The following DOCK8 variants were observed in gnomAD, a reference collection of about 807,000 sequenced individuals.
DOCK8 encodes dedicator of cytokinesis protein 8.
DOCK8 carries 141 observed loss-of-function variants against 245.6 expected under a neutral mutation model. That is an observed-to-expected ratio of 0.57 (90% CI 0.50 to 0.66). The LOEUF (loss-of-function observed/expected upper bound fraction) is 0.66. Among genes scored for constraint, DOCK8 ranks in the 30% least tolerant of loss-of-function variants. DOCK8 has a pLI of 0.00. For synonymous variants in DOCK8, 1,168 were observed against 970.2 expected (o/e 1.20, Z -3.79); for missense variants, 2,965 against 2,603.4 (o/e 1.14, Z -3.02).
rs542914202 is a variant in DOCK8 at position 220,720 on chromosome 9, T to TC, written c.53+5691_53+5692insC. The stretch of plus-strand genomic sequence containing the variant: ...CAAGCAGTAGTCTAATTTCTTTCTT[T>TC]TTTTTTTTTTTTCTTTTTTTGAGAC... On this transcript the variant is annotated intron_variant, in intron 1 of 47. Transcript: ENST00000432829. The TC allele has an allele frequency of 3.2e-3, 1,293 of 405,312 alleles. 3 individuals carry two copies. The highest frequency in any genetic ancestry group is 4.6e-3 in the Non-Finnish European group (954 of 207,260). The allele number at this position is 405,312 out of a possible 1,614,324, so 25.1% of individuals were successfully genotyped here. A position where few individuals can be genotyped will look rare whatever the true frequency, so the allele number is the denominator to read the frequency against.
intron 20 of DOCK8, among the ~76,000 whole-genome samples, chr9:378,430 G>C (rs1157283750): frequency 6.6e-6 from 1 of 152,230 alleles, no homozygotes; most frequent in Non-Finnish European, 1.5e-5. Context: ...ACGGCTTTTA[G>C]AGCCAGGGAG....
At chr9:245,378 T>C (rs1230231175) in intron 1 of DOCK8, among the ~76,000 whole-genome samples, 2 of 151,932 alleles carry the variant, frequency 1.3e-5, no homozygotes, top group Non-Finnish European at 2.9e-5. Flanking sequence ...CTGATTTTTT[T>C]GTATTTTTTT....
chr9:236,874 T>C (rs2047263200), intron 1 of DOCK8, among the ~76,000 whole-genome samples: 1 of 152,198 alleles, frequency 6.6e-6, no homozygotes, highest in Non-Finnish European at 1.5e-5. Context: ...GAAGAGAGAA[T>C]GAAAGATTGT....
chr9:311,376 C>G (rs1035738180), intron 5 of DOCK8, among the ~76,000 whole-genome samples: 1 of 149,720 alleles, frequency 6.7e-6, no homozygotes, highest in Admixed American at 6.7e-5. Flanking sequence ...TCCCAAGTAG[C>G]TAAGACTGTA....
At chr9:448,434 C>A (rs898010790) in intron 44 of DOCK8, among the ~76,000 whole-genome samples, 1 of 152,150 alleles carries the variant, frequency 6.6e-6, no homozygotes, top group Non-Finnish European at 1.5e-5. Flanking sequence ...TCCTTCGTTC[C>A]CCAACAACCT....
At chr9:240,102 T>C (rs2131408581) in intron 1 of DOCK8, among the ~76,000 whole-genome samples, 1 of 152,330 alleles carries the variant, frequency 6.6e-6, no homozygotes, top group East Asian at 1.9e-4. Context: ...CTTGTTTTCC[T>C]TTGCAAGGTT....
At chr9:447,080 C>T (rs1008102493) in intron 44 of DOCK8, among the ~76,000 whole-genome samples, 3 of 152,160 alleles carry the variant, frequency 2.0e-5, no homozygotes, top group Non-Finnish European at 2.9e-5. Flanking sequence ...GACAAGTTCA[C>T]TGACTAGCTT....
intron 6 of DOCK8, among the ~76,000 whole-genome samples, chr9:316,011 A>G (rs2050329995): frequency 6.6e-6 from 1 of 152,202 alleles, no homozygotes; most frequent in South Asian, 2.1e-4. Context: ...ACCCAGCAAC[A>G]TGGCCAACCG....
intron 1 of DOCK8, among the ~76,000 whole-genome samples, chr9:229,539 G>C (rs1296468289): frequency 6.6e-6 from 1 of 152,294 alleles, no homozygotes; most frequent in South Asian, 2.1e-4. Context: ...ATCAGAGAGA[G>C]AAGGTGCCTG....
chr9:293,131 A>G (rs2049114130), intron 4 of DOCK8, among the ~76,000 whole-genome samples: 1 of 152,232 alleles, frequency 6.6e-6, no homozygotes. Flanking sequence ...CCTAGTGGAC[A>G]GGGAGAAGTG....
intron 6 of DOCK8, among the ~76,000 whole-genome samples, chr9:316,141 C>A (rs535734128): frequency 6.6e-6 from 1 of 152,268 alleles, no homozygotes; most frequent in Admixed American, 6.5e-5. Context: ...CTGCTATTTG[C>A]AAGAATGTTA....
At position 215,031 on chromosome 9, in the gene DOCK8, T is replaced by C; in HGVS notation, c.53+2T>C. ...CGCGTTCGCGCTCAAGATCAACAGG[T>C]AAGACGCCCCCCGCGGCGCGCAGGT... is the stretch of plus-strand genomic sequence containing the variant. On this transcript the variant is annotated splice_donor_variant, in intron 1 of 47. Transcript: ENST00000432829. LOFTEE classifies it high-confidence loss of function. 6.3e-7 allele frequency: 1 copy of C among 1,580,892 alleles called. No homozygotes were observed. Among genetic ancestry groups the C allele is most frequent in the Admixed American group, 1.7e-5 (1 of 57,758 alleles).
Position 399,220 on chromosome 9 carries a change from G to T in DOCK8, c.3195G>T (p.Arg1065=), listed in dbSNP as rs781062154. ...FLYDLLSLMD[R]GFVFNLIRHY... ...ATGACCTTCTCTCCCTCATGGATCG[G>T]GGCTTTGTGTTTAACCTCATCAGAC... is the stretch of plus-strand genomic sequence containing the variant. Residue 1065 remains arginine, a synonymous_variant, in exon 26 of 48, where the codon CGG becomes CGT. Coordinates refer to ENST00000432829, the MANE Select transcript of DOCK8 (RefSeq NM_203447.4). 5.0e-6 allele frequency: 8 copies of T among 1,613,944 alleles called. No individual in the cohort carries two copies. The highest frequency in any genetic ancestry group is 1.7e-4 in the Middle Eastern group (1 of 6,060).
At position 282,723 on chromosome 9, in the gene DOCK8, A is replaced by G. The variant is rs141029163; in HGVS notation, c.157-3738A>G. On this transcript the variant is annotated intron_variant, in intron 2 of 47. Coordinates refer to ENST00000432829, the MANE Select transcript of DOCK8 (RefSeq NM_203447.4). ...CAGGTGTGAGCCACCTTGCCTATCCAACATGACAAGTATTATTCTCTGGCA... is the reference window on the plus strand; with the variant it reads ...CAGGTGTGAGCCACCTTGCCTATCCGACATGACAAGTATTATTCTCTGGCA... Among the ~76,000 whole-genome samples the G allele has an allele frequency of 6.9e-3, 1,055 of 152,294 alleles. 14 individuals carry two copies. Among genetic ancestry groups the G allele is most frequent in the African/African-American group, 0.024 (1,005 of 41,560 alleles).
At chr9:345,756 T>A (rs893454894) in intron 14 of DOCK8, among the ~76,000 whole-genome samples, 1 of 152,130 alleles carries the variant, frequency 6.6e-6, no homozygotes, top group Admixed American at 6.5e-5. Flanking sequence ...CCATTCGAGT[T>A]GCATTCTAGT....
intron 1 of DOCK8, among the ~76,000 whole-genome samples, chr9:218,797 C>G (rs1159383967): frequency 6.6e-6 from 1 of 152,152 alleles, no homozygotes; most frequent in African/African-American, 2.4e-5. Flanking sequence ...TGTGGACAGT[C>G]AGGATTGAAA....
rs1470395905 is a variant in DOCK8 at position 400,027 on chromosome 9, A to G, written c.3234+768A>G. Among the ~76,000 whole-genome samples, 9 of 84,244 alleles carry G rather than the reference A, an allele frequency of 1.1e-4. 1 individual carries two copies. The highest frequency in any genetic ancestry group is 8.6e-4 in the East Asian group (2 of 2,318). 55.3% of individuals were successfully genotyped at this position (84,244 alleles called of 152,430 possible). On this transcript the variant is annotated intron_variant, in intron 26 of 47. Transcript: ENST00000432829. ...CACCTCCACCATCACCACCACCTCC[A>G]CCATCACCACCACCACCTCCACCAT...
intron 1 of DOCK8, among the ~76,000 whole-genome samples, chr9:248,732 A>G (rs1000455014): frequency 6.6e-6 from 1 of 152,102 alleles, no homozygotes; most frequent in East Asian, 1.9e-4. Context: ...ATTCACCAAC[A>G]TGAATTGGTT....
chr9:354,000 A>T (rs758464417), intron 14 of DOCK8, among the ~76,000 whole-genome samples: 1 of 152,150 alleles, frequency 6.6e-6, no homozygotes, highest in Non-Finnish European at 1.5e-5. Flanking sequence ...ACTTCTTTGG[A>T]GATTGAATTG....
Sources: allele counts gnomAD v4.1 joint callset (sites outside exome capture counted in the v4.1 genomes callset), GRCh38; gene constraint gnomAD v4.1.1; transcripts MANE v1.5; gene names NCBI Gene and HGNC (gene_info 2026-07-23, HGNC 2026-07-21).